Variants in MGMT observed in about 807,000 individuals in gnomAD.
MGMT encodes methylated-DNA--protein-cysteine methyltransferase.
Under a neutral mutation model 15.9 loss-of-function variants are expected in MGMT, and 14 were observed. That is an observed-to-expected ratio of 0.88 (90% CI 0.58 to 1.37). MGMT has a LOEUF of 1.37. MGMT is among the 40% of genes most tolerant of loss of function. The probability of loss-of-function intolerance (pLI) is 0.00; values close to 1 mark genes in which losing one functional copy is unlikely to be tolerated. For missense variants in MGMT, 282 were observed against 268.1 expected, an observed-to-expected ratio of 1.05 and a Z score of -0.36; for synonymous variants, 130 against 118.2, an observed-to-expected ratio of 1.10 and a Z score of -0.65.
intron 1 of MGMT, among the ~76,000 whole-genome samples, chr10:129,518,687 C>G (rs1174262278): frequency 7.0e-6 from 1 of 142,676 alleles, no homozygotes; most frequent in Admixed American, 7.2e-5. Flanking sequence ...ATAACTTTTT[C>G]TAGTTTATTT....
chr10:129,569,359 C>T (rs1449825418), intron 2 of MGMT, among the ~76,000 whole-genome samples: 2 of 152,186 alleles, frequency 1.3e-5, no homozygotes, highest in South Asian at 2.1e-4. Context: ...GGCTAGCCTG[C>T]GAGTGGCTCA....
intron 1 of MGMT, among the ~76,000 whole-genome samples, chr10:129,491,943 T>C (rs1478966836): frequency 1.3e-5 from 2 of 152,150 alleles, no homozygotes; most frequent in African/African-American, 4.8e-5. Flanking sequence ...TCTGCTTGTA[T>C]TTTCTTCTTT....
At chr10:129,721,402 A>G (rs1355837107) in intron 3 of MGMT, among the ~76,000 whole-genome samples, 1 of 152,272 alleles carries the variant, frequency 6.6e-6, no homozygotes, top group East Asian at 1.9e-4. Context: ...TCATACATGC[A>G]TTTGTAAACC....
At chr10:129,682,443 A>C (rs1047044632) in intron 2 of MGMT, among the ~76,000 whole-genome samples, 1 of 151,858 alleles carries the variant, frequency 6.6e-6, no homozygotes. Flanking sequence ...AATGACAAGC[A>C]GTGATGGGGA....
intron 2 of MGMT, among the ~76,000 whole-genome samples, chr10:129,558,323 A>G (rs2119803686): frequency 6.6e-6 from 1 of 152,346 alleles, no homozygotes; most frequent in East Asian, 1.9e-4. Context: ...AGTACGATGA[A>G]CCACACCCTT....
intron 2 of MGMT, among the ~76,000 whole-genome samples, chr10:129,583,831 A>G (rs779139396): frequency 6.6e-6 from 1 of 152,154 alleles, no homozygotes; most frequent in Non-Finnish European, 1.5e-5. Context: ...AACCTGCCAG[A>G]CCAAGTCTTG....
rs1846214985 is a variant in MGMT at position 129,556,450 on chromosome 10, C to T, written c.125+20073C>T. ...TGCCTTCTGCAAGCCAAGGAGAGAG[C>T]GCCTTGGAGAAAACCAGCTGTGCCT... On this transcript the variant is annotated intron_variant, in intron 2 of 4. Coordinates refer to ENST00000651593, the MANE Select transcript of MGMT (RefSeq NM_002412.5). The surrounding 1 kb of genome is among the most constrained non-coding windows in gnomAD (Gnocchi z 4.3). 1.3e-5 allele frequency among the ~76,000 whole-genome samples: 2 copies of T among 152,218 alleles called. No individual in the cohort carries two copies. Among genetic ancestry groups the T allele is most frequent in the South Asian group, 4.2e-4 (2 of 4,814 alleles).
rs764448115 is a variant in MGMT, at chr10:129,770,150, G to A, written c.*3153G>A. On this transcript the variant is annotated 3_prime_UTR_variant, in exon 5 of 5. Transcript: ENST00000651593. ...GCTTCTCCAGAATCCCGTTTGGAGG[G>A]GCCAAGCAAGTCCAATATAGATAGG... 3.9e-5 allele frequency among the ~76,000 whole-genome samples: 6 copies of A among 152,148 alleles called. No individual in the cohort carries two copies. Among genetic ancestry groups the A allele is most frequent in the African/African-American group, 7.2e-5 (3 of 41,440 alleles).
At chr10:129,753,695 GT>G (rs1848774322) in intron 3 of MGMT, among the ~76,000 whole-genome samples, 1 of 151,950 alleles carries the variant, frequency 6.6e-6, no homozygotes, top group Non-Finnish European at 1.5e-5. Context: ...TTTTTCATTT[GT>G]TTCAAGAGTG....
In MGMT at chr10:129,499,827, C is replaced by T. The variant is rs1389649891; in HGVS notation, c.-13+32531C>T. ...ACTCCTGCTTCATCACGTTTTTACT[C>T]GAATTGGGTTTCCTGGTGACAAAAG... On this transcript the variant is annotated intron_variant, in intron 1 of 4. Transcript: ENST00000651593. Among the ~76,000 whole-genome samples, 4 of 152,248 alleles carry T rather than the reference C, an allele frequency of 2.6e-5. No homozygotes were observed. In the East Asian group the frequency reaches 5.8e-4, roughly 22 times the overall value.
intron 3 of MGMT, among the ~76,000 whole-genome samples, chr10:129,745,412 C>G (rs1349780602): frequency 6.6e-6 from 1 of 152,148 alleles, no homozygotes; most frequent in African/African-American, 2.4e-5. Flanking sequence ...TCCCCACCCC[C>G]ATTCCAGCTC....
At chr10:129,560,025 C>T (rs1372393804) in intron 2 of MGMT, among the ~76,000 whole-genome samples, 4 of 152,112 alleles carry the variant, frequency 2.6e-5, no homozygotes, top group Admixed American at 6.5e-5. Context: ...TAATAAGAAA[C>T]GGAGCAAAAG....
intron 1 of MGMT, among the ~76,000 whole-genome samples, chr10:129,479,964 T>C (rs1412067765): frequency 1.3e-5 from 2 of 152,238 alleles, no homozygotes; most frequent in African/African-American, 4.8e-5. Flanking sequence ...TTTTAAAATA[T>C]TGATTCATTT....
chr10:129,674,935 G>A (rs548539318), intron 2 of MGMT, among the ~76,000 whole-genome samples: 11 of 152,362 alleles, frequency 7.2e-5, no homozygotes, highest in South Asian at 6.2e-4. Flanking sequence ...TGGCTCAGTC[G>A]TAGCTGAGAG....
At chr10:129,624,424 A>G (rs867600778) in intron 2 of MGMT, among the ~76,000 whole-genome samples, 13 of 152,330 alleles carry the variant, frequency 8.5e-5, no homozygotes, top group Middle Eastern at 3.4e-3. Context: ...ACAGTAAAAT[A>G]AAGTCAGATG....
intron 2 of MGMT, among the ~76,000 whole-genome samples, chr10:129,597,148 C>T (rs1846760618): frequency 6.6e-6 from 1 of 152,100 alleles, no homozygotes; most frequent in Non-Finnish European, 1.5e-5. Flanking sequence ...AGGGTACGTC[C>T]AGTGTTGGAT....
rs114384003 is a variant in MGMT at position 129,545,673 on chromosome 10, C to T, written c.125+9296C>T. Among the ~76,000 whole-genome samples, 787 of 152,270 alleles carry T rather than the reference C, an allele frequency of 5.2e-3. 9 individuals are homozygous for T. Among genetic ancestry groups the T allele is most frequent in the African/African-American group, 0.017 (694 of 41,550 alleles). On this transcript the variant is annotated intron_variant, in intron 2 of 4. Coordinates refer to ENST00000651593, the MANE Select transcript of MGMT (RefSeq NM_002412.5). ...CAAAAGCACAACCGTCTGGCCTCTA[C>T]GACCACCAACACACACCTCTCATAC...
chr10:129,767,023 A>G lies in MGMT; in HGVS notation c.*26A>G, dbSNP rs1848946865. 6.4e-7 allele frequency: 1 copy of G among 1,553,968 alleles called. No individual in the cohort carries two copies. Among genetic ancestry groups the G allele is most frequent in the Non-Finnish European group, 8.7e-7 (1 of 1,146,914 alleles). On this transcript the variant is annotated 3_prime_UTR_variant, in exon 5 of 5. Coordinates refer to ENST00000651593, the MANE Select transcript of MGMT (RefSeq NM_002412.5). ...GTATGTGCAGTAGGATGGATGTTTG[A>G]GCGACACACACGTGTAACACTGCAT...
chr10:129,555,321 C>T (rs1846201029), intron 2 of MGMT, among the ~76,000 whole-genome samples: 1 of 152,224 alleles, frequency 6.6e-6, no homozygotes, highest in African/African-American at 2.4e-5. Flanking sequence ...CCGTGCCGTG[C>T]TGTCTGCTGT....
Sources: gnomAD v4.1 joint callset for allele counts (sites outside exome capture counted in the v4.1 genomes callset) on GRCh38, gnomAD v4.1.1 for gene constraint, Gnocchi (gnomAD v3.1) non-coding constraint, MANE v1.5 for transcripts, NCBI Gene and HGNC (gene_info 2026-07-23, HGNC 2026-07-21) for gene names.